Variants in STK36 observed in about 807,000 individuals in gnomAD.
STK36 encodes serine/threonine kinase 36, also known as serine/threonine-protein kinase 36.
Under a neutral mutation model 142.2 loss-of-function variants are expected in STK36, and 116 were observed. The ratio of observed to expected loss-of-function variants is 0.82; its 90% CI spans 0.70 to 0.95. The LOEUF is 0.95. STK36 is among the 40% of genes least tolerant of loss of function. The probability of loss-of-function intolerance (pLI) is 0.00; values close to 1 mark genes in which losing one functional copy is unlikely to be tolerated. For missense variants in STK36, 1,422 were observed against 1,617.2 expected, an observed-to-expected ratio of 0.88 and a Z score of 2.07; for synonymous variants, 619 against 641.7, an observed-to-expected ratio of 0.96 and a Z score of 0.53.
At chr2:218,685,506 A>G (rs1940736955) in intron 11 of STK36, among the ~76,000 whole-genome samples, 1 of 152,212 alleles carries the variant, frequency 6.6e-6, no homozygotes, top group South Asian at 2.1e-4. Flanking sequence ...AAAATGGAGG[A>G]TATTATGTTA....
At chr2:218,675,741 C>T (rs1940212205) in intron 5 of STK36, among the ~76,000 whole-genome samples, 2 of 152,040 alleles carry the variant, frequency 1.3e-5, no homozygotes. Context: ...TCAGGCTGGT[C>T]TCGAACTCCT....
At chr2:218,693,070 T>C (rs1198923649) in intron 16 of STK36, among the ~76,000 whole-genome samples, 170 bp from the exon 17 acceptor site, 1 of 152,198 alleles carries the variant, frequency 6.6e-6, no homozygotes, top group Non-Finnish European at 1.5e-5. Flanking sequence ...CCATGACTTT[T>C]GGTTCTCTAT....
rs1056020892 is a variant in STK36 at position 218,692,244 on chromosome 2, G to C, written c.1866G>C (p.Gly622=). ...CGACACAGCAGGTTGTCTTGGATGGGCTCCTTCATGGCTTGACAGTTCCAC... is the reference window on the plus strand; with the variant it reads ...CGACACAGCAGGTTGTCTTGGATGGCCTCCTTCATGGCTTGACAGTTCCAC... ...LLTTQQVVLD[G]LLHGLTVPQL... Residue 622 remains glycine, a synonymous_variant, in exon 15 of 27, where the codon GGG becomes GGC. Coordinates refer to ENST00000295709, the MANE Select transcript of STK36 (RefSeq NM_015690.5). The C allele has an allele frequency of 2.5e-6, 4 of 1,614,178 alleles. No homozygotes were observed. Among genetic ancestry groups the C allele is most frequent in the Non-Finnish European group, 3.4e-6 (4 of 1,180,042 alleles).
At chr2:218,676,336 C>G (rs1304552934) in intron 6 of STK36, 58 bp downstream of exon 6, 2 of 1,586,038 alleles carry the variant, frequency 1.3e-6, no homozygotes, top group Non-Finnish European at 1.7e-6. Flanking sequence ...CCCTCTATCT[C>G]TGTTCCTTTT....
Position 218,701,896 on chromosome 2 carries a change from C to T in STK36, c.3835C>T (p.Leu1279=). 6.2e-7 allele frequency: 1 copy of T among 1,614,168 alleles called. No homozygotes were observed. Among genetic ancestry groups the T allele is most frequent in the South Asian group, 1.1e-5 (1 of 91,084 alleles). ...GGTGTCCCTGGGTGCCAGTGAGAAA[C>T]TATCCTTGCTCTCTCTGGGGAATCA... ...VLVSLGASEK[L]SLLSLGNQSL... The change falls in exon 27 of 27, where the codon CTA becomes TTA. Residue 1279 remains leucine (L), a synonymous_variant. Coordinates refer to ENST00000295709, the MANE Select transcript of STK36 (RefSeq NM_015690.5).
In STK36 at chr2:218,692,294, G is replaced by A. The variant is rs559686721; in HGVS notation, c.1915+1G>A. Reference sequence around the variant, plus strand: ...CAGCTCCCTGTCCACACTCCCCAAGGTAACCAGAGTGGAGAAGGGAGGTTC... The same window carrying A: ...CAGCTCCCTGTCCACACTCCCCAAGATAACCAGAGTGGAGAAGGGAGGTTC... On this transcript the variant is annotated splice_donor_variant, in intron 15 of 26. Coordinates refer to ENST00000295709, the MANE Select transcript of STK36 (RefSeq NM_015690.5). LOFTEE classifies it high-confidence loss of function. 7.7e-5 allele frequency: 125 copies of A among 1,614,106 alleles called. 1 individual carries two copies. In the Middle Eastern group the frequency reaches 8.3e-4, roughly 11 times the overall value.
chr2:218,686,322 A>G (rs570257164), intron 11 of STK36, among the ~76,000 whole-genome samples: 1 of 152,224 alleles, frequency 6.6e-6, no homozygotes, highest in African/African-American at 2.4e-5. Flanking sequence ...TTGTAGCACA[A>G]TCTTGGGTCA....
Position 218,699,234 on chromosome 2 carries a change from G to A in STK36, c.3690G>A (p.Gln1230=), listed in dbSNP as rs1461254799. 6.2e-7 allele frequency: 1 copy of A among 1,613,894 alleles called. No homozygotes were observed. Among genetic ancestry groups the A allele is most frequent in the Non-Finnish European group, 8.5e-7 (1 of 1,180,022 alleles). Residue 1230 remains glutamine, a synonymous_variant, in exon 26 of 27, where the codon CAG becomes CAA. Coordinates refer to ENST00000295709, the MANE Select transcript of STK36 (RefSeq NM_015690.5). ...AAGGTTTGGGAGAGGAGCTGTTACA[G>A]TGCGAAGTACCCCAGCGGCTCCTAG... ...GPEGLGEELL[Q]CEVPQRLLEM...
At chr2:218,693,468 C>A in intron 17 of STK36, 124 bp downstream of exon 17, 1 of 1,000,708 alleles carries the variant, frequency 1.0e-6, no homozygotes, top group Non-Finnish European at 1.5e-6. Flanking sequence ...CCATTTGAGA[C>A]ACCCCCTTGG....
chr2:218,676,214 A>G lies in STK36; in HGVS notation c.620A>G (p.Gln207Arg). ...TPPFYATSIF[Q>R]LVSLILKDPV... ...CCCTTCTATGCTACAAGCATCTTTC[A>G]GCTGGTCAGCCTCATTCTCAAGGAC... Residue 207 changes from glutamine to arginine, a missense_variant, in exon 6 of 27, where the codon CAG (glutamine) becomes CGG (arginine). Coordinates refer to ENST00000295709, the MANE Select transcript of STK36 (RefSeq NM_015690.5). 2 of 1,614,168 alleles carry G rather than the reference A, an allele frequency of 1.2e-6. No homozygotes were observed. Among genetic ancestry groups the G allele is most frequent in the East Asian group, 2.2e-5 (1 of 44,890 alleles).
chr2:218,696,747 C>T, intron 22 of STK36, 146 bp downstream of exon 22: 1 of 972,882 alleles, frequency 1.0e-6, no homozygotes, highest in Non-Finnish European at 1.7e-6. Context: ...ACTTCCCCGC[C>T]TGCCCTCAGT....
intron 10 of STK36, among the ~76,000 whole-genome samples, chr2:218,683,048 T>C (rs1940603980): frequency 6.6e-6 from 1 of 152,224 alleles, no homozygotes; most frequent in African/African-American, 2.4e-5. Context: ...AGATTCAGGT[T>C]GTATATATTT....
chr2:218,672,725 C>A lies in STK36; in HGVS notation c.-89-16C>A. ...GCAAGGTGGCTAACATTTTTCCTTT[C>A]CCGTGCCCCAACTAGGCGTCCCAGA... On this transcript the variant is annotated splice_polypyrimidine_tract_variant and intron_variant, in intron 1 of 26. Transcript: ENST00000295709. 1 of 1,116,130 alleles carries A rather than the reference C, an allele frequency of 9.0e-7. No homozygotes were observed. The highest frequency in any genetic ancestry group is 1.3e-6 in the Non-Finnish European group (1 of 750,472). 69.1% of individuals were successfully genotyped at this position (1,116,130 alleles called of 1,614,324 possible). A position where few individuals can be genotyped will look rare whatever the true frequency, so the allele number is the denominator to read the frequency against.
At chr2:218,699,482 C>G (rs1941367188) in intron 26 of STK36, 134 bp downstream of exon 26, 2 of 1,360,206 alleles carry the variant, frequency 1.5e-6, no homozygotes, top group African/African-American at 3.0e-5. Flanking sequence ...GGGACAGTGT[C>G]TTGGAGTGAG....
intron 11 of STK36, chr2:218,688,431 C>T (rs1465770508): frequency 1.7e-6 from 1 of 587,838 alleles, no homozygotes; most frequent in South Asian, 1.6e-5. Flanking sequence ...GGGAATGGCA[C>T]TTAGTCTGAC....
intron 13 of STK36, 66 bp downstream of exon 13, chr2:218,690,022 C>G: frequency 7.0e-7 from 1 of 1,434,796 alleles, no homozygotes; most frequent in Non-Finnish European, 9.6e-7. Flanking sequence ...AAGTGCCCTT[C>G]CCATTTAGGA....
rs1430149741 is a variant in STK36 at position 218,694,000 on chromosome 2, G to A, written c.2336+17G>A. On this transcript the variant is annotated intron_variant, in intron 19 of 26. Coordinates refer to ENST00000295709, the MANE Select transcript of STK36 (RefSeq NM_015690.5). ...GCCTTGTGGGTAAGTCATAAAGTAG[G>A]GTGTCTCCACAGAAGTCTTCTAGCC... 6.2e-7 allele frequency: 1 copy of A among 1,613,224 alleles called. No homozygotes were observed. The highest frequency in any genetic ancestry group is 8.5e-7 in the Non-Finnish European group (1 of 1,179,230).
chr2:218,680,525 C>T (rs1464610574), intron 9 of STK36, 78 bp from the exon 10 acceptor site: 14 of 1,199,206 alleles, frequency 1.2e-5, no homozygotes, highest in East Asian at 1.0e-4. Flanking sequence ...TATCCTGGGT[C>T]TACAGAGAGG....
At chr2:218,672,955 C>G (rs1410317627) in intron 2 of STK36, 42 bp downstream of exon 2, 9 of 1,557,258 alleles carry the variant, frequency 5.8e-6, no homozygotes, top group Non-Finnish European at 8.0e-6. Flanking sequence ...GGATTTGGTA[C>G]CCCCAACTCC....
Sources: allele counts gnomAD v4.1 joint callset (sites outside exome capture counted in the v4.1 genomes callset), GRCh38; gene constraint gnomAD v4.1.1; transcripts MANE v1.5; gene names NCBI Gene and HGNC (gene_info 2026-07-23, HGNC 2026-07-21).